LSP1: variants seen among roughly 807,000 people sequenced by gnomAD.
LSP1 encodes lymphocyte specific protein 1.
Under a neutral mutation model 49.3 loss-of-function variants are expected in LSP1, and 32 were observed. The observed-to-expected ratio is 0.65, with a 90% CI of 0.49 to 0.87. The LOEUF is 0.87. Ranked by LOEUF, LSP1 falls within the 40% of genes least tolerant of loss-of-function variation. The probability of loss-of-function intolerance (pLI) is 0.00; values close to 1 mark genes in which losing one functional copy is unlikely to be tolerated. For synonymous variants in LSP1, 179 were observed against 178.8 expected, an observed-to-expected ratio of 1.00 and a Z score of -0.01; for missense variants, 428 against 442.6, an observed-to-expected ratio of 0.97 and a Z score of 0.30.
At chr11:1,869,090 G>A in intron 1 of LSP1, 2 of 863,296 alleles carry the variant, frequency 2.3e-6, no homozygotes, top group South Asian at 5.0e-5. Flanking sequence ...CCTGGATGGG[G>A]CGGGGACCAT....
At chr11:1,862,709 C>A (rs74872739) in intron 1 of LSP1, among the ~76,000 whole-genome samples, 2 of 149,280 alleles carry the variant, frequency 1.3e-5, no homozygotes, top group Non-Finnish European at 2.9e-5. Context: ...GGTGATCTCA[C>A]CTCCCCTGGG....
chr11:1,869,748 G>A (rs1251304462), intron 1 of LSP1: 1 of 470,470 alleles, frequency 2.1e-6, no homozygotes, highest in African/African-American at 2.0e-5. Flanking sequence ...TGGCGAGCTT[G>A]CCAAGGAGAG....
Position 1,887,471 on chromosome 11 carries a change from C to T in LSP1, c.931-3C>T, listed in dbSNP as rs371121469. On this transcript the variant is annotated splice_polypyrimidine_tract_variant and splice_region_variant and intron_variant, in intron 9 of 10. Coordinates refer to ENST00000311604, the MANE Select transcript of LSP1 (RefSeq NM_002339.3). Reference sequence around the variant, plus strand: ...CTTCACTCTTGGTCTCCTTTCCCAACAGAGCACCCCATCTGGGAAGAGGTA... The same window carrying T: ...CTTCACTCTTGGTCTCCTTTCCCAATAGAGCACCCCATCTGGGAAGAGGTA... 118 of 1,613,446 alleles carry T rather than the reference C, an allele frequency of 7.3e-5. No homozygotes were observed. The highest frequency in any genetic ancestry group is 9.0e-5 in the Non-Finnish European group (106 of 1,179,594).
chr11:1,853,100 C>T lies in LSP1; in HGVS notation c.-45C>T, dbSNP rs745550981. ...CTGAAAGCCACAGCACGTACACCCA[C>T]TCCAGGGATCTGCCAGCACCCTGTG... On this transcript the variant is annotated 5_prime_UTR_variant, in exon 1 of 11. Coordinates refer to ENST00000311604, the MANE Select transcript of LSP1 (RefSeq NM_002339.3). 2.5e-6 allele frequency: 4 copies of T among 1,591,062 alleles called. No homozygotes were observed. The highest frequency in any genetic ancestry group is 3.4e-6 in the Non-Finnish European group (4 of 1,169,506).
At chr11:1,873,859 A>AGGCC (rs1848158050) in intron 1 of LSP1, among the ~76,000 whole-genome samples, 1 of 132,542 alleles carries the variant, frequency 7.5e-6, no homozygotes, top group African/African-American at 2.9e-5. Context: ...CAGAGGAGGG[A>AGGCC]GGCTGGCAGA....
chr11:1,874,746 CGGA>C (rs1386224773), intron 1 of LSP1, among the ~76,000 whole-genome samples: 1 of 152,134 alleles, frequency 6.6e-6, no homozygotes, highest in Non-Finnish European at 1.5e-5. Context: ...AGGCTGCAGA[CGGA>C]GGAGTGGAGG....
intron 3 of LSP1, among the ~76,000 whole-genome samples, chr11:1,882,666 ACCCC>A (rs1848593853): frequency 6.6e-6 from 1 of 151,650 alleles, no homozygotes; most frequent in South Asian, 2.1e-4. Flanking sequence ...TGCGGCCGCC[ACCCC>A]ACCCCCTGCA....
At chr11:1,869,122 T>G in intron 1 of LSP1, 1 of 606,214 alleles carries the variant, frequency 1.6e-6, no homozygotes, top group Non-Finnish European at 2.1e-6. Flanking sequence ...GTGAGGGGCT[T>G]GGCCCCTGCC....
chr11:1,887,980 G>T (rs567673931), intron 10 of LSP1, among the ~76,000 whole-genome samples: 1 of 152,102 alleles, frequency 6.6e-6, no homozygotes, highest in Non-Finnish European at 1.5e-5. Flanking sequence ...TCCATAGAGG[G>T]GCAGGAACTT....
At chr11:1,889,714 T>A in intron 10 of LSP1, 1 of 649,830 alleles carries the variant, frequency 1.5e-6, no homozygotes, top group South Asian at 1.8e-5. Flanking sequence ...AGGTGCTCTC[T>A]GCCAGGGCCC....
At position 1,884,377 on chromosome 11, in the gene LSP1, T is replaced by C; in HGVS notation, c.635+54T>C. 2 of 1,612,326 alleles carry C rather than the reference T, an allele frequency of 1.2e-6. No homozygotes were observed. Among genetic ancestry groups the C allele is most frequent in the Non-Finnish European group, 1.7e-6 (2 of 1,178,656 alleles). On this transcript the variant is annotated intron_variant, in intron 6 of 10. Coordinates refer to ENST00000311604, the MANE Select transcript of LSP1 (RefSeq NM_002339.3). The surrounding 1 kb of genome is among the most constrained non-coding windows in gnomAD (Gnocchi z 4.1). ...GGCTCAGATCTTAGGTTTAACCAAG[T>C]GGGGGTTGAAGGGAGTCACAAGGTA...
intron 1 of LSP1, among the ~76,000 whole-genome samples, chr11:1,872,816 C>A (rs926084776): frequency 2.0e-5 from 3 of 152,098 alleles, no homozygotes; most frequent in Non-Finnish European, 4.4e-5. Flanking sequence ...CCCCGGCCCG[C>A]ACTCAGACTA....
rs777118675 is a variant in LSP1, at chr11:1,881,419, C to T, written c.192-13C>T. 21 of 1,560,216 alleles carry T rather than the reference C, an allele frequency of 1.3e-5. No homozygotes were observed. The South Asian group carries it at 1.9e-4, about 14-fold the overall frequency. ...CAGCCGCCCAGGCCTAAGCTCCCCC[C>T]TGCTACCCTCAGCCTCAGCCTGAAG... On this transcript the variant is annotated splice_polypyrimidine_tract_variant and intron_variant, in intron 2 of 10. Coordinates refer to ENST00000311604, the MANE Select transcript of LSP1 (RefSeq NM_002339.3).
At position 1,887,307 on chromosome 11, in the gene LSP1, C is replaced by T. The variant is rs1589833059; in HGVS notation, c.923C>T (p.Thr308Ile). ...EQKGGSKTSS[T>I]IKSTPSGKRY... ...AAGGGAGGCTCCAAGACCTCATCAA[C>T]AATTAAGGTAGAGCCTAAATGTGGT... The change falls in exon 9 of 11, where the codon ACA (threonine) becomes ATA (isoleucine). Residue 308 changes from threonine (T) to isoleucine (I), a missense_variant. Transcript: ENST00000311604. 1 of 1,603,212 alleles carries T rather than the reference C, an allele frequency of 6.2e-7. No individual in the cohort carries two copies. Among genetic ancestry groups the T allele is most frequent in the Non-Finnish European group, 8.5e-7 (1 of 1,173,374 alleles).
At chr11:1,857,792 T>C (rs2133055465) in intron 1 of LSP1, among the ~76,000 whole-genome samples, 1 of 152,304 alleles carries the variant, frequency 6.6e-6, no homozygotes, top group Admixed American at 6.5e-5. Flanking sequence ...TCTCGCTCTG[T>C]TGCCCAGACT....
chr11:1,883,533 C>T lies in LSP1; in HGVS notation c.471C>T (p.Ala157=), dbSNP rs140488915. The T allele has an allele frequency of 2.7e-5, 44 of 1,613,010 alleles. No homozygotes were observed. The highest frequency in any genetic ancestry group is 1.2e-4 in the Admixed American group (7 of 59,914). Residue 157 remains alanine (A), a synonymous_variant, in exon 4 of 11, where the codon GCC becomes GCT. Coordinates refer to ENST00000311604, the MANE Select transcript of LSP1 (RefSeq NM_002339.3). The part of the protein sequence containing the change: ...PEDTVQDNLG[A]AGAEEEQEEH... ...ACACTGTCCAGGACAACCTGGGGGCCGCAGGGGCTGAGGAGGAACAGGAGG... is the reference window on the plus strand; with the variant it reads ...ACACTGTCCAGGACAACCTGGGGGCTGCAGGGGCTGAGGAGGAACAGGAGG...
chr11:1,884,449 G>T lies in LSP1; in HGVS notation c.636-51G>T. 1 of 1,602,418 alleles carries T rather than the reference G, an allele frequency of 6.2e-7. No homozygotes were observed. The highest frequency in any genetic ancestry group is 8.6e-7 in the Non-Finnish European group (1 of 1,169,496). On this transcript the variant is annotated intron_variant, in intron 6 of 10. Coordinates refer to ENST00000311604, the MANE Select transcript of LSP1 (RefSeq NM_002339.3). The surrounding 1 kb of genome is among the most constrained non-coding windows in gnomAD (Gnocchi z 4.1). ...GCTCTGGGAGAGGCTTGGGCAGGTTGGGAGAAGCCTTGTGGGAGACATGGG... is the reference window on the plus strand; with the variant it reads ...GCTCTGGGAGAGGCTTGGGCAGGTTTGGAGAAGCCTTGTGGGAGACATGGG...
rs373309025 is a variant in LSP1, at chr11:1,886,753, C to G, written c.739C>G (p.Leu247Val). ...GCAGACCGCTGGCCGGACCCCCAAGCTAGCCCGCCAGGCCTCCATAGAGCT... is the reference window on the plus strand; with the variant it reads ...GCAGACCGCTGGCCGGACCCCCAAGGTAGCCCGCCAGGCCTCCATAGAGCT... ...AIETAGRTPK[L>V]ARQASIELPS... The change falls in exon 8 of 11, where the codon CTA becomes GTA. Residue 247 changes from leucine (L) to valine (V), a missense_variant. By Grantham distance (32) the Leu-to-Val change is conservative (BLOSUM62 1). Transcript: ENST00000311604. 3 of 1,610,926 alleles carry G rather than the reference C, an allele frequency of 1.9e-6. No homozygotes were observed. Among genetic ancestry groups the G allele is most frequent in the Non-Finnish European group, 2.5e-6 (3 of 1,179,102 alleles).
At chr11:1,861,389 C>T (rs754941505) in intron 1 of LSP1, among the ~76,000 whole-genome samples, 12 of 152,142 alleles carry the variant, frequency 7.9e-5, no homozygotes, top group Non-Finnish European at 1.2e-4. Context: ...ATGCTGAATC[C>T]CCAGCACCTT....
Sources: gnomAD v4.1 joint callset for allele counts (sites outside exome capture counted in the v4.1 genomes callset) on GRCh38, gnomAD v4.1.1 for gene constraint, Gnocchi (gnomAD v3.1) non-coding constraint, MANE v1.5 for transcripts, NCBI Gene and HGNC (gene_info 2026-07-23, HGNC 2026-07-21) for gene names.